The following MMP8 variants were observed in gnomAD, a reference collection of about 807,000 sequenced individuals.
MMP8 encodes the protein neutrophil collagenase.
MMP8 carries 67 observed loss-of-function variants against 51.2 expected under a neutral mutation model. The observed-to-expected ratio is 1.31, with a 90% CI of 1.08 to 1.60. The LOEUF (loss-of-function observed/expected upper bound fraction) is 1.60. MMP8 is among the 40% of genes most tolerant of loss of function. MMP8 has a pLI of 0.00. For missense variants in MMP8, 654 were observed against 558.1 expected, an observed-to-expected ratio of 1.17 and a Z score of -1.73; for synonymous variants, 225 against 191.0, an observed-to-expected ratio of 1.18 and a Z score of -1.47.
rs1861573566 is a variant in MMP8, at chr11:102,724,817, G to A, written c.39C>T (p.Leu13=). 3 of 1,609,494 alleles carry A rather than the reference G, an allele frequency of 1.9e-6. No individual in the cohort carries two copies. Among genetic ancestry groups the A allele is most frequent in the Non-Finnish European group, 2.5e-6 (3 of 1,177,290 alleles). The part of the protein sequence containing the change: ...SLKTLPFLLL[L]HVQISKAFPV... ...GAAAGGCCTTGGAAATCTGCACATG[G>A]AGTAAGAGCAGAAATGGAAGCGTCT... Residue 13 remains leucine, a synonymous_variant, in exon 1 of 10, where the codon CTC becomes CTT. Transcript: ENST00000236826.
rs201019213 is a variant in MMP8 at position 102,714,612 on chromosome 11, G to A, written c.1134C>T (p.Asp378=). The change falls in exon 8 of 10, where the codon GAC becomes GAT. Residue 378 remains aspartate, a synonymous_variant. Coordinates refer to ENST00000236826, the MANE Select transcript of MMP8 (RefSeq NM_002424.3). Reference sequence around the variant, plus strand: ...TTTTACTTCTGTAGAAAACAGCTGCGTCAATTGCTTGGACGCTGCTGGGGA... The same window carrying A: ...TTTTACTTCTGTAGAAAACAGCTGCATCAATTGCTTGGACGCTGCTGGGGA... ...YGFPSSVQAI[D]AAVFYRSKTY... is the part of the protein sequence containing the mutation. The A allele has an allele frequency of 2.2e-5, 33 of 1,522,920 alleles. No individual in the cohort carries two copies. Among genetic ancestry groups the A allele is most frequent in the African/African-American group, 1.1e-4 (8 of 70,098 alleles). The allele number at this position is 1,522,920 out of a possible 1,614,324, so 94.3% of individuals were successfully genotyped here.
In MMP8 at chr11:102,713,915, T is replaced by A. The variant is rs559087150; in HGVS notation, c.1191-58A>T. On this transcript the variant is annotated intron_variant, in intron 8 of 9. Coordinates refer to ENST00000236826, the MANE Select transcript of MMP8 (RefSeq NM_002424.3). ...CCAATACAGAATATAACGAAAAAAA[T>A]TTTTTTTATTGTATATAATTTACAA... 2.9e-4 allele frequency: 377 copies of A among 1,288,710 alleles called. 1 individual carries two copies. Among genetic ancestry groups the A allele is most frequent in the South Asian group, 1.2e-3 (84 of 71,962 alleles). 79.8% of individuals were successfully genotyped at this position (1,288,710 alleles called of 1,614,324 possible).
At position 102,714,019 on chromosome 11, in the gene MMP8, C is replaced by T. The variant is rs1861208332; in HGVS notation, c.1191-162G>A. Among the ~76,000 whole-genome samples, 3 of 152,094 alleles carry T rather than the reference C, an allele frequency of 2.0e-5. No homozygotes were observed. The South Asian group carries it at 6.2e-4, about 32-fold the overall frequency. On this transcript the variant is annotated intron_variant, in intron 8 of 9. Transcript: ENST00000236826. Reference sequence around the variant, plus strand: ...GATTAAGAATGGTTAATTTCTCTACCTAAGGGTACACATTTATAAAACATA... The same window carrying T: ...GATTAAGAATGGTTAATTTCTCTACTTAAGGGTACACATTTATAAAACATA...
rs748103912 is a variant in MMP8 at position 102,713,851 on chromosome 11, A to G, written c.1197T>C (p.Asp399=). 8.7e-6 allele frequency: 14 copies of G among 1,605,798 alleles called. No individual in the cohort carries two copies. The highest frequency in any genetic ancestry group is 1.1e-5 in the South Asian group (1 of 89,128). ...CTGGCTCCATGAATTGTCTTTGGTT[A>G]TCATATCTGGTAAAAACAAAATGTT... ...FFVNDQFWRY[D]NQRQFMEPGY... The change falls in exon 9 of 10, where the codon GAT becomes GAC. Residue 399 remains aspartate, a synonymous_variant. Transcript: ENST00000236826.
In MMP8 at chr11:102,712,393, G is replaced by A. The variant is rs1381189200; in HGVS notation, c.*955C>T. ...ATTTTCATATGTGTAGATGTACTGTGTCTAGTACCTCATGTCTAGGGTTGC... is the reference window on the plus strand; with the variant it reads ...ATTTTCATATGTGTAGATGTACTGTATCTAGTACCTCATGTCTAGGGTTGC... On this transcript the variant is annotated 3_prime_UTR_variant, in exon 10 of 10. Transcript: ENST00000236826. 2 of 152,184 alleles carry A rather than the reference G, an allele frequency of 1.3e-5. No individual in the cohort carries two copies. The highest frequency in any genetic ancestry group is 2.9e-5 in the Non-Finnish European group (2 of 68,044). The allele number at this position is 152,184 out of a possible 1,614,324, so 9.4% of individuals were successfully genotyped here. A position where few individuals can be genotyped will look rare whatever the true frequency, so the allele number is the denominator to read the frequency against.
intron 4 of MMP8, 38 bp from the exon 5 acceptor site, chr11:102,718,613 G>C (rs769526336): frequency 6.2e-7 from 1 of 1,611,712 alleles, no homozygotes; most frequent in East Asian, 2.2e-5. Flanking sequence ...GCTCAGTGTG[G>C]ATCCCAGGGT....
At position 102,722,512 on chromosome 11, in the gene MMP8, CT is replaced by C. The variant is rs1861503598; in HGVS notation, c.263del (p.Lys88SerfsTer14). On this transcript the variant is annotated frameshift_variant, in exon 2 of 10. Transcript: ENST00000236826. LOFTEE classifies it high-confidence loss of function. ...CACTGTCAGGCACTCCACAGCGAGG[CT>C]TTTTCATCATGTCCAGAGTTTCCTC... Reference protein sequence around the residue: ...PNEETLDMMKKPRCGVPDSGG... With the variant: ...PNEETLDMMKXPRCGVPDSGG... 6.2e-7 allele frequency: 1 copy of C among 1,613,854 alleles called. No homozygotes were observed. The highest frequency in any genetic ancestry group is 8.5e-7 in the Non-Finnish European group (1 of 1,179,864).
At chr11:102,721,115 T>C (rs1705386475) in intron 4 of MMP8, among the ~76,000 whole-genome samples, 1 of 152,214 alleles carries the variant, frequency 6.6e-6, no homozygotes, top group Non-Finnish European at 1.5e-5. Context: ...AATAAAACTT[T>C]ATTTATACAG....
chr11:102,713,264 T>C lies in MMP8; in HGVS notation c.*84A>G, dbSNP rs1861177476. ...CAATGACTTAATATTGAGAAAAGTATAAGCAGGACACAATGTAACGAAAAT... is the reference window on the plus strand; with the variant it reads ...CAATGACTTAATATTGAGAAAAGTACAAGCAGGACACAATGTAACGAAAAT... On this transcript the variant is annotated 3_prime_UTR_variant, in exon 10 of 10. Transcript: ENST00000236826. 2 of 872,936 alleles carry C rather than the reference T, an allele frequency of 2.3e-6. No homozygotes were observed. Among genetic ancestry groups the C allele is most frequent in the Non-Finnish European group, 3.9e-6 (2 of 518,828 alleles). The allele number at this position is 872,936 out of a possible 1,614,324, so 54.1% of individuals were successfully genotyped here. A position where few individuals can be genotyped will look rare whatever the true frequency, so the allele number is the denominator to read the frequency against.
intron 5 of MMP8, 39 bp downstream of exon 5, chr11:102,718,375 G>A (rs1174380086): frequency 1.3e-6 from 2 of 1,580,058 alleles, no homozygotes; most frequent in South Asian, 2.3e-5. Flanking sequence ...CTATTCCCAG[G>A]TCCTACCATG....
intron 1 of MMP8, 57 bp downstream of exon 1, chr11:102,724,697 C>A (rs1443123438): frequency 3.5e-6 from 5 of 1,430,152 alleles, no homozygotes; most frequent in Non-Finnish European, 4.7e-6. Context: ...GAAAACAACC[C>A]ACACTATTTC....
intron 5 of MMP8, among the ~76,000 whole-genome samples, chr11:102,718,059 A>G (rs574004643): frequency 6.6e-6 from 1 of 151,996 alleles, no homozygotes; most frequent in Non-Finnish European, 1.5e-5. Flanking sequence ...GTGAGCCAAG[A>G]TCGCGTCACT....
chr11:102,719,201 G>A (rs538206630), intron 4 of MMP8, among the ~76,000 whole-genome samples: 4 of 152,058 alleles, frequency 2.6e-5, no homozygotes, highest in Non-Finnish European at 5.9e-5. Flanking sequence ...TTCACAACTG[G>A]AGACTTAAAA....
Position 102,713,876 on chromosome 11 carries a change from T to C in MMP8, c.1191-19A>G, listed in dbSNP as rs2509013. The C allele has an allele frequency of 0.59, 933,587 of 1,576,806 alleles. 277,830 individuals carry two copies. The highest frequency in any genetic ancestry group is 0.69 in the African/African-American group (50,305 of 73,024). ...ATCATATCTGGTAAAAACAAAATGT[T>C]ATCCGATTTAACACCAATACAGAAT... On this transcript the variant is annotated intron_variant, in intron 8 of 9. Coordinates refer to ENST00000236826, the MANE Select transcript of MMP8 (RefSeq NM_002424.3).
Position 102,721,751 on chromosome 11 carries a change from T to C in MMP8, c.359A>G (p.Tyr120Cys), listed in dbSNP as rs367580784. Residue 120 changes from tyrosine to cysteine, a missense_variant, in exon 3 of 10, where the codon TAT becomes TGT. Tyr to Cys is a radical substitution (Grantham distance 194). Transcript: ENST00000236826. ...RTNLTYRIRNYTPQLSEAEVE... is the reference protein window; with the variant it reads ...RTNLTYRIRNCTPQLSEAEVE... ...CTCAGCCTCTGACAGCTGTGGGGTA[T>C]AGTTTCGAATCCTTCAAAATGAGAG... 1.9e-6 allele frequency: 3 copies of C among 1,613,602 alleles called. No individual in the cohort carries two copies. The highest frequency in any genetic ancestry group is 2.5e-6 in the Non-Finnish European group (3 of 1,179,714).
In MMP8 at chr11:102,721,487, A is replaced by G. The variant is rs1186221763; in HGVS notation, c.536T>C (p.Ile179Thr). The change falls in exon 4 of 10, where the codon ATC becomes ACC. Residue 179 changes from isoleucine to threonine, a missense_variant. Coordinates refer to ENST00000236826, the MANE Select transcript of MMP8 (RefSeq NM_002424.3). ...GCCTGGCTGAAAGGCATGAGCAAGG[A>G]TTCCATTGGGTCCATCAAATGGAGA... ...DNSPFDGPNG[I>T]LAHAFQPGQG... 2 of 1,613,936 alleles carry G rather than the reference A, an allele frequency of 1.2e-6. No homozygotes were observed. The highest frequency in any genetic ancestry group is 2.2e-5 in the South Asian group (2 of 91,086).
At chr11:102,718,354 G>A in intron 5 of MMP8, 60 bp downstream of exon 5, 4 of 1,497,742 alleles carry the variant, frequency 2.7e-6, no homozygotes, top group Non-Finnish European at 3.6e-6. Flanking sequence ...TCAGATTCTG[G>A]GAGTGTTCGC....
At chr11:102,717,650 C>T (rs1410001266) in intron 5 of MMP8, among the ~76,000 whole-genome samples, 6 of 152,144 alleles carry the variant, frequency 3.9e-5, no homozygotes, top group Non-Finnish European at 7.4e-5. Flanking sequence ...CTAATAGACT[C>T]CCAGGTGTCT....
At chr11:102,716,133 C>T (rs1254347992) in intron 6 of MMP8, among the ~76,000 whole-genome samples, 169 bp downstream of exon 6, 1 of 151,908 alleles carries the variant, frequency 6.6e-6, no homozygotes, top group African/African-American at 2.4e-5. Flanking sequence ...AAGTTAAGCT[C>T]AGGGGGCTAT....
Sources: gnomAD v4.1 joint callset for allele counts (sites outside exome capture counted in the v4.1 genomes callset) on GRCh38, gnomAD v4.1.1 for gene constraint, MANE v1.5 for transcripts, NCBI Gene and HGNC (gene_info 2026-07-23, HGNC 2026-07-21) for gene names.